Variants in DAB1 observed in about 807,000 individuals in gnomAD.
DAB1 encodes the protein DAB adaptor protein 1, also known as disabled homolog 1.
A neutral mutation model predicts 64.6 loss-of-function variants in DAB1; 15 were observed. The observed-to-expected ratio is 0.23, with a 90% CI of 0.16 to 0.36. The LOEUF (loss-of-function observed/expected upper bound fraction) is 0.36, where lower values mean the gene tolerates loss of function less well. Among genes scored for constraint, DAB1 ranks in the 10% least tolerant of loss-of-function variants. The pLI, the probability that DAB1 is intolerant of heterozygous loss-of-function variation, is 1.00. For missense variants in DAB1, 596 were observed against 706.7 expected (o/e 0.84, Z 1.78); for synonymous variants, 235 against 251.9 (o/e 0.93, Z 0.64).
intron 1 of DAB1, among the ~76,000 whole-genome samples, chr1:57,861,761 G>A (rs964902055): frequency 5.4e-5 from 8 of 148,562 alleles, no homozygotes. Context: ...ATATAACATA[G>A]TATATATGTA....
intron 7 of DAB1, among the ~76,000 whole-genome samples, chr1:57,488,897 C>G (rs2101268340): frequency 6.6e-6 from 1 of 152,258 alleles, no homozygotes; most frequent in East Asian, 1.9e-4. Context: ...TATATGCCAT[C>G]TGGCATAAAC....
At chr1:57,136,817 T>C (rs573720929) in intron 3 of DAB1, among the ~76,000 whole-genome samples, 176 bp from the exon 4 acceptor site, 2 of 152,280 alleles carry the variant, frequency 1.3e-5, no homozygotes, top group Non-Finnish European at 2.9e-5. Context: ...TGTTTTAGGG[T>C]AATGCTTGTC....
At chr1:57,768,994 G>T (rs1458474954) in intron 6 of DAB1, among the ~76,000 whole-genome samples, 4 of 151,974 alleles carry the variant, frequency 2.6e-5, no homozygotes, top group African/African-American at 9.7e-5. Flanking sequence ...AGGGTGACTT[G>T]GCCCCTTCAT....
intron 6 of DAB1, among the ~76,000 whole-genome samples, chr1:57,761,148 A>T (rs779838357): frequency 5.3e-5 from 8 of 152,302 alleles, no homozygotes; most frequent in Non-Finnish European, 1.2e-4. Flanking sequence ...AAGTGATGAT[A>T]ATTCACTTTT....
intron 7 of DAB1, among the ~76,000 whole-genome samples, chr1:57,531,640 G>A (rs900989231): frequency 1.1e-4 from 17 of 152,094 alleles, no homozygotes; most frequent in Non-Finnish European, 1.8e-4. Flanking sequence ...GAAGAAGAAT[G>A]AAAGAAAATG....
At chr1:57,008,132 T>A (rs1570480529) in intron 14 of DAB1, among the ~76,000 whole-genome samples, 1 of 152,200 alleles carries the variant, frequency 6.6e-6, no homozygotes, top group Admixed American at 6.5e-5. Context: ...GGGAGGTACT[T>A]ATTTTGACTT....
At chr1:57,956,299 G>T (rs6683923) in intron 5 of DAB1, among the ~76,000 whole-genome samples, 5,254 of 152,190 alleles carry the variant, frequency 0.035, 327 homozygotes, top group African/African-American at 0.12. Flanking sequence ...GCTGATAATA[G>T]TGGAGGTTAC....
chr1:57,981,690 A>G (rs1040917111), intron 5 of DAB1, among the ~76,000 whole-genome samples: 8 of 152,192 alleles, frequency 5.3e-5, no homozygotes, highest in Non-Finnish European at 2.9e-5. Flanking sequence ...CCTGAATGAC[A>G]TGGCAAAAAT....
intron 5 of DAB1, among the ~76,000 whole-genome samples, chr1:58,132,489 G>A (rs1360286800): frequency 6.6e-6 from 1 of 151,958 alleles, no homozygotes; most frequent in African/African-American, 2.4e-5. Context: ...CTCCCCCCGG[G>A]GCCAATCTTT....
intron 3 of DAB1, chr1:58,480,760 T>A: frequency 2.4e-6 from 1 of 411,254 alleles, no homozygotes; most frequent in South Asian, 4.5e-5. Flanking sequence ...ATTTTCCTCA[T>A]TGAAGATATT....
At chr1:58,410,257 G>A (rs1644655979) in intron 3 of DAB1, among the ~76,000 whole-genome samples, 1 of 152,228 alleles carries the variant, frequency 6.6e-6, no homozygotes, top group Non-Finnish European at 1.5e-5. Flanking sequence ...GCTTTCTGCA[G>A]TGGAGGGGGA....
chr1:57,165,586 A>T (rs1197377856), intron 2 of DAB1, among the ~76,000 whole-genome samples: 1 of 152,252 alleles, frequency 6.6e-6, no homozygotes, highest in African/African-American at 2.4e-5. Context: ...TACAGTGATA[A>T]ACATTTTCAC....
At chr1:57,681,815 T>C (rs1646639160) in intron 6 of DAB1, among the ~76,000 whole-genome samples, 1 of 152,158 alleles carries the variant, frequency 6.6e-6, no homozygotes, top group Non-Finnish European at 1.5e-5. Context: ...TGATAGAAGA[T>C]GTGGAATGAG....
At chr1:57,528,661 C>CAT (rs368551758) in intron 7 of DAB1, among the ~76,000 whole-genome samples, 12,928 of 149,724 alleles carry the variant, frequency 0.086, 1,251 homozygotes, top group African/African-American at 0.22. Flanking sequence ...CACACACACA[C>CAT]ACACACACAC....
upstream of DAB1, among the ~76,000 whole-genome samples, chr1:57,885,172 T>A (rs1264095703): frequency 1.3e-5 from 2 of 152,264 alleles, no homozygotes; most frequent in Admixed American, 6.5e-5. Context: ...ATGCTAATAT[T>A]AAATGAATTA....
intron 3 of DAB1, among the ~76,000 whole-genome samples, chr1:58,476,226 A>AT (rs142419016): frequency 0.011 from 1,656 of 150,860 alleles, 32 homozygotes; most frequent in African/African-American, 0.038. Flanking sequence ...AATTAAAATA[A>AT]TTTTTTTTTT....
At chr1:57,542,427 T>C (rs1644813076) in intron 7 of DAB1, among the ~76,000 whole-genome samples, 1 of 149,926 alleles carries the variant, frequency 6.7e-6, no homozygotes, top group Non-Finnish European at 1.5e-5. Flanking sequence ...GGGTAGGAAT[T>C]AAGGGAAGGA....
chr1:57,866,635 C>T (rs1271464033), intron 1 of DAB1, among the ~76,000 whole-genome samples: 1 of 152,152 alleles, frequency 6.6e-6, no homozygotes, highest in Middle Eastern at 3.2e-3. Flanking sequence ...GTTTCCCTGA[C>T]TGTAAATGGG....
At chr1:57,641,377 TG>T (rs368124711) in intron 7 of DAB1, among the ~76,000 whole-genome samples, 9 of 114,194 alleles carry the variant, frequency 7.9e-5, no homozygotes, top group African/African-American at 1.9e-4. Context: ...TTTTTTTTGT[TG>T]GTTTTTTTTT....
Sources: gnomAD v4.1 joint callset for allele counts (sites outside exome capture counted in the v4.1 genomes callset) on GRCh38, gnomAD v4.1.1 for gene constraint, MANE v1.5 for transcripts, NCBI Gene and HGNC (gene_info 2026-07-23, HGNC 2026-07-21) for gene names.